Variants in CCDC183 observed in about 807,000 individuals in gnomAD.
CCDC183 encodes coiled-coil domain containing 183.
Under a neutral mutation model 65.2 loss-of-function variants are expected in CCDC183, and 63 were observed. That is an observed-to-expected ratio of 0.97 (90% CI 0.79 to 1.19). CCDC183 has a LOEUF of 1.19. Ranked by LOEUF, CCDC183 falls within the 50% of genes most tolerant of loss-of-function variation. The pLI is 0.00. For missense variants in CCDC183, 769 were observed against 689.3 expected, an observed-to-expected ratio of 1.12 and a Z score of -1.30; for synonymous variants, 323 against 276.5, an observed-to-expected ratio of 1.17 and a Z score of -1.67.
At position 136,802,760 on chromosome 9, in the gene CCDC183, G is replaced by A. The variant is rs925600935; in HGVS notation, c.640G>A (p.Ala214Thr). The stretch of plus-strand genomic sequence containing the variant: ...GGATATGAAGATCATGTCCCAAGAT[G>A]CCATGATGATCACGGATGAGGTCAA... ...LSDMKIMSQD[A>T]MMITDEVKRN... The change falls in exon 6 of 14, where the codon GCC (alanine) becomes ACC (threonine). Residue 214 changes from alanine (A) to threonine (T), a missense_variant. By Grantham distance (58) the Ala-to-Thr change is moderately conservative. Transcript: ENST00000338005. 1 of 1,613,010 alleles carries A rather than the reference G, an allele frequency of 6.2e-7. No homozygotes were observed.
chr9:136,798,408 C>T (rs1847685241), intron 1 of CCDC183, among the ~76,000 whole-genome samples: 1 of 152,106 alleles, frequency 6.6e-6, no homozygotes, highest in African/African-American at 2.4e-5. Flanking sequence ...TCAAACAATT[C>T]TGCCTCAGCC....
rs80306709 is a variant in CCDC183 at position 136,802,699 on chromosome 9, G to T, written c.579G>T (p.Leu193=). The change falls in exon 6 of 14, where the codon CTG becomes CTT. Residue 193 remains leucine, a synonymous_variant. Transcript: ENST00000338005. ...LAGYPIELDK[L]QNLVVNYCSE... ...GATACCCCATTGAGCTGGACAAGCT[G>T]CAGAACCTCGTGGTCAACTACTGCT... 1.4e-3 allele frequency: 2,316 copies of T among 1,613,458 alleles called. 30 individuals carry two copies. The African/African-American group carries it at 0.028, about 19-fold the overall frequency.
intron 5 of CCDC183, among the ~76,000 whole-genome samples, chr9:136,802,235 C>CTA (rs5901108): frequency 6.6e-6 from 1 of 151,776 alleles, no homozygotes. Flanking sequence ...AATGGGGACA[C>CTA]AGAGAGATTA....
chr9:136,804,788 G>T lies in CCDC183; in HGVS notation c.819G>T (p.Ser273=), dbSNP rs371973312. The change falls in exon 8 of 14, where the codon TCG becomes TCT. Residue 273 remains serine, a synonymous_variant. Coordinates refer to ENST00000338005, the MANE Select transcript of CCDC183 (RefSeq NM_001039374.5). The surrounding 1 kb of genome is among the most constrained non-coding windows in gnomAD (Gnocchi z 4.1). ...RRGQMDLDFP[S]NLMSTETLKL... is the part of the protein sequence containing the mutation. ...GCCAGATGGACTTGGACTTCCCCTC[G>T]AACCTGATGAGCACGGAGACCCTGA... is the stretch of plus-strand genomic sequence containing the variant. The T allele has an allele frequency of 2.9e-5, 46 of 1,613,208 alleles. No homozygotes were observed. The African/African-American group carries it at 5.6e-4, about 20-fold the overall frequency.
chr9:136,796,871 T>A (rs189380564), intron 1 of CCDC183, among the ~76,000 whole-genome samples: 2 of 151,956 alleles, frequency 1.3e-5, no homozygotes, highest in East Asian at 1.9e-4. Flanking sequence ...TTGTCCAAGG[T>A]TTCCCCCCAC....
intron 10 of CCDC183, 34 bp from the exon 11 acceptor site, chr9:136,806,470 C>A (rs1249169751): frequency 1.9e-6 from 3 of 1,612,144 alleles, no homozygotes; most frequent in Middle Eastern, 1.6e-4. Flanking sequence ...CGGGCCTGTG[C>A]CCCTCACTGC....
In CCDC183 at chr9:136,806,622, A is replaced by C; in HGVS notation, c.1228A>C (p.Ile410Leu). Residue 410 changes from isoleucine to leucine, a missense_variant, in exon 11 of 14, where the codon ATC (isoleucine) becomes CTC (leucine). By Grantham distance (5) the Ile-to-Leu change is conservative. Transcript: ENST00000338005. Reference sequence around the variant, plus strand: ...GCTGCTGCTGACCATCCAGATGGGCATCGACAACCTCTATGTCCGGCTGAT... The same window carrying C: ...GCTGCTGCTGACCATCCAGATGGGCCTCGACAACCTCTATGTCCGGCTGAT... Reference protein sequence around the residue: ...QELLLTIQMGIDNLYVRLMGI... With the variant: ...QELLLTIQMGLDNLYVRLMGI... 6.2e-7 allele frequency: 1 copy of C among 1,613,780 alleles called. No individual in the cohort carries two copies. Among genetic ancestry groups the C allele is most frequent in the Non-Finnish European group, 8.5e-7 (1 of 1,180,048 alleles).
In CCDC183 at chr9:136,805,361, G is replaced by A. The variant is rs1564351579; in HGVS notation, c.852G>A (p.Arg284=). The change falls in exon 9 of 14, where the codon AGG becomes AGA. Residue 284 remains arginine (R), a synonymous_variant. Coordinates refer to ENST00000338005, the MANE Select transcript of CCDC183 (RefSeq NM_001039374.5). ...CCCTCCCCTCTGCTCTGCCAGTGAG[G>A]AGAAAAGAGACCTCCACAGCAGAAA... The part of the protein sequence containing the change: ...NLMSTETLKL[R]RKETSTAEME... 4 of 1,613,022 alleles carry A rather than the reference G, an allele frequency of 2.5e-6. No homozygotes were observed. In the East Asian group the frequency reaches 8.9e-5, roughly 36 times the overall value.
At chr9:136,799,893 C>A (rs573088475) in intron 3 of CCDC183, 103 bp downstream of exon 3, 11 of 1,508,186 alleles carry the variant, frequency 7.3e-6, no homozygotes, top group Non-Finnish European at 9.9e-6. Flanking sequence ...AGGTGCCCAG[C>A]CCCAGGTTCC....
chr9:136,805,052 G>T, intron 8 of CCDC183: 1 of 597,024 alleles, frequency 1.7e-6, no homozygotes, highest in Non-Finnish European at 3.0e-6. Flanking sequence ...AGTCCCCAGT[G>T]ACTCTGCAGA....
Position 136,804,730 on chromosome 9 carries a change from C to A in CCDC183, c.793-32C>A. The stretch of plus-strand genomic sequence containing the variant: ...AGGGCCCACTCCCTGCCAAGGATGT[C>A]TCATCCCTTCCCCGCCCCCACCTCC... On this transcript the variant is annotated intron_variant, in intron 7 of 13. Coordinates refer to ENST00000338005, the MANE Select transcript of CCDC183 (RefSeq NM_001039374.5). The surrounding 1 kb of genome is among the most constrained non-coding windows in gnomAD (Gnocchi z 4.1). 1.9e-6 allele frequency: 3 copies of A among 1,613,282 alleles called. No homozygotes were observed. The highest frequency in any genetic ancestry group is 2.5e-6 in the Non-Finnish European group (3 of 1,179,522).
Position 136,804,858 on chromosome 9 carries a change from A to G in CCDC183, c.847+42A>G, listed in dbSNP as rs1588335354. On this transcript the variant is annotated intron_variant, in intron 8 of 13. Transcript: ENST00000338005. The surrounding 1 kb of genome is among the most constrained non-coding windows in gnomAD (Gnocchi z 4.1). ...CCACCTGCCCCCAGCCAGGGTCCCA[A>G]GGAGAGGCTGGCACTGATTCAGGCC... 4 of 1,568,546 alleles carry G rather than the reference A, an allele frequency of 2.6e-6. No homozygotes were observed. The highest frequency in any genetic ancestry group is 3.5e-6 in the Non-Finnish European group (4 of 1,139,364).
In CCDC183 at chr9:136,803,440, G is replaced by A. The variant is rs57702554; in HGVS notation, c.666+654G>A. Among the ~76,000 whole-genome samples the A allele has an allele frequency of 9.6e-3, 1,460 of 152,254 alleles. 21 individuals are homozygous for A. The highest frequency in any genetic ancestry group is 0.033 in the African/African-American group (1,363 of 41,548). On this transcript the variant is annotated intron_variant, in intron 6 of 13. Transcript: ENST00000338005. ...ACAGAGCAGGTCCCATCCAGCACAG[G>A]AGCCATGAAGTAGAGGAGAGGGAGA... is the stretch of plus-strand genomic sequence containing the variant.
chr9:136,799,530 C>T (rs1033943299), intron 2 of CCDC183, 183 bp from the exon 3 acceptor site: 22 of 680,002 alleles, frequency 3.2e-5, no homozygotes, highest in Non-Finnish European at 4.4e-5. Flanking sequence ...ACCCCCCTAC[C>T]ACGTCGCCTC....
chr9:136,799,408 AGGTTTCCC>A, intron 2 of CCDC183, 185 bp downstream of exon 2: 1 of 1,038,878 alleles, frequency 9.6e-7, no homozygotes, highest in Non-Finnish European at 1.3e-6. Flanking sequence ...TCCGGTGGGC[AGGTTTCCC>A]ACCACCCAAC....
At chr9:136,805,197 G>A (rs1564351481) in intron 8 of CCDC183, 160 bp from the exon 9 acceptor site, 1 of 633,844 alleles carries the variant, frequency 1.6e-6, no homozygotes, top group Non-Finnish European at 2.8e-6. Flanking sequence ...GCTGGGCTGA[G>A]GAGGGAGCAG....
chr9:136,801,799 G>A (rs1331867591), intron 5 of CCDC183, among the ~76,000 whole-genome samples: 1 of 152,040 alleles, frequency 6.6e-6, no homozygotes, highest in East Asian at 1.9e-4. Flanking sequence ...TGTTTGTTTT[G>A]TTTTTTGAGA....
rs368845118 is a variant in CCDC183 at position 136,806,876 on chromosome 9, G to A, written c.1389+9G>A. On this transcript the variant is annotated intron_variant, in intron 12 of 13. Coordinates refer to ENST00000338005, the MANE Select transcript of CCDC183 (RefSeq NM_001039374.5). Reference sequence around the variant, plus strand: ...TGTCCAGGACCGAGGAGGTAGCCCCGGGCTGGGAGGAACCTGCACAGCCCA... The same window carrying A: ...TGTCCAGGACCGAGGAGGTAGCCCCAGGCTGGGAGGAACCTGCACAGCCCA... 8 of 1,613,378 alleles carry A rather than the reference G, an allele frequency of 5.0e-6. No individual in the cohort carries two copies. The highest frequency in any genetic ancestry group is 4.4e-5 in the South Asian group (4 of 91,074).
chr9:136,801,790 G>C (rs1331215663), intron 5 of CCDC183, among the ~76,000 whole-genome samples: 1 of 150,840 alleles, frequency 6.6e-6, no homozygotes, highest in African/African-American at 2.5e-5. Flanking sequence ...TTTTGTTTTT[G>C]TTTGTTTTGT....
Sources: allele counts gnomAD v4.1 joint callset (sites outside exome capture counted in the v4.1 genomes callset), GRCh38; gene constraint gnomAD v4.1.1; non-coding constraint Gnocchi (gnomAD v3.1); transcripts MANE v1.5; gene names NCBI Gene and HGNC (gene_info 2026-07-23, HGNC 2026-07-21).